Variants in MYO16 observed in about 807,000 individuals in gnomAD.
MYO16 encodes the protein unconventional myosin-XVI.
In MYO16, 94 loss-of-function variants were observed where a neutral mutation model predicts 205.3. The observed-to-expected ratio is 0.46, with a 90% CI of 0.39 to 0.54. MYO16 has a LOEUF of 0.54. Among genes scored for constraint, MYO16 ranks in the 20% least tolerant of loss-of-function variants. MYO16 has a pLI of 0.00. For synonymous variants in MYO16, 988 were observed against 954.0 expected (o/e 1.04, Z -0.66); for missense variants, 2,315 against 2,387.5 (o/e 0.97, Z 0.63).
intron 27 of MYO16, among the ~76,000 whole-genome samples, chr13:109,089,218 CATT>C: frequency 8.3e-6 from 1 of 120,744 alleles, no homozygotes; most frequent in Admixed American, 8.4e-5. Context: ...TTATTATTGT[CATT>C]ATTATTATTT....
rs370473198 is a variant in MYO16, at chr13:108,609,155, G to A, written c.-39+12916G>A. Among the ~76,000 whole-genome samples the A allele has an allele frequency of 4.3e-4, 66 of 152,254 alleles. 1 individual carries two copies. Among genetic ancestry groups the A allele is most frequent in the African/African-American group, 1.5e-3 (64 of 41,548 alleles). ...CTGCAGGCCAGCCCAGGAAACGATG[G>A]AGTCCCTGGAAGTTTCCTCCTCATT... On this transcript the variant is annotated intron_variant, in intron 1 of 24. Transcript: ENST00000251041.
chr13:108,993,753 C>T (rs1884915543), intron 21 of MYO16, among the ~76,000 whole-genome samples: 1 of 151,988 alleles, frequency 6.6e-6, no homozygotes, highest in South Asian at 2.1e-4. Context: ...TGAGTGTGAC[C>T]AATAGAATAT....
At chr13:108,535,812 A>C in the MYO16 span, among the ~76,000 whole-genome samples, 1 of 152,146 alleles carries the variant, frequency 6.6e-6, no homozygotes, top group African/African-American at 2.4e-5. Context: ...TTAACTATAG[A>C]CCCAGCTGCT....
chr13:108,802,587 T>C (rs9514916), intron 6 of MYO16, among the ~76,000 whole-genome samples: 12 of 152,088 alleles, frequency 7.9e-5, no homozygotes, highest in African/African-American at 2.9e-4. Flanking sequence ...CCTTAGGATA[T>C]ATACCAGAGT....
In MYO16 at chr13:108,865,812, C is replaced by T. The variant is rs201277391; in HGVS notation, c.1360-365C>T. Among the ~76,000 whole-genome samples, 5 of 152,096 alleles carry T rather than the reference C, an allele frequency of 3.3e-5. No individual in the cohort carries two copies. In the East Asian group the frequency reaches 9.6e-4, roughly 29 times the overall value. ...AGTTTATTATTCTGTAGCAGAATAA[C>T]AGAATTTGTTACTCCATTGACTTTT... is the stretch of plus-strand genomic sequence containing the variant. On this transcript the variant is annotated intron_variant, in intron 11 of 34. Coordinates refer to ENST00000457511, the MANE Select transcript of MYO16 (RefSeq NM_001198950.3).
At chr13:108,938,559 G>A (rs1882587945) in intron 16 of MYO16, among the ~76,000 whole-genome samples, 2 of 152,258 alleles carry the variant, frequency 1.3e-5, no homozygotes, top group South Asian at 4.1e-4. Flanking sequence ...TCTGCAGAGA[G>A]ATGTGGGGGT....
At position 108,777,439 on chromosome 13, in the gene MYO16, A is replaced by C. The variant is rs150966832; in HGVS notation, c.508-8196A>C. On this transcript the variant is annotated intron_variant, in intron 4 of 34. Coordinates refer to ENST00000457511, the MANE Select transcript of MYO16 (RefSeq NM_001198950.3). ...AGCCACTGTTCCCCACATCGGGGAG[A>C]GTATCTGGAAGAGGACCCTCAGGGA... 4.7e-4 allele frequency among the ~76,000 whole-genome samples: 71 copies of C among 152,298 alleles called. No homozygotes were observed. In the South Asian group the frequency reaches 8.9e-3, roughly 19 times the overall value.
intron 27 of MYO16, among the ~76,000 whole-genome samples, chr13:109,063,792 T>C (rs1887661325): frequency 6.6e-6 from 1 of 152,172 alleles, no homozygotes; most frequent in Non-Finnish European, 1.5e-5. Context: ...CTTATGCTGA[T>C]AGAAGGAAAT....
the MYO16 span, among the ~76,000 whole-genome samples, chr13:108,517,570 A>G: frequency 1.3e-5 from 2 of 152,230 alleles, no homozygotes; most frequent in Non-Finnish European, 2.9e-5. Context: ...CAGCCTCACC[A>G]CAATTAATGT....
chr13:108,756,103 A>G (rs2139647080), intron 4 of MYO16, among the ~76,000 whole-genome samples: 1 of 152,162 alleles, frequency 6.6e-6, no homozygotes, highest in South Asian at 2.1e-4. Context: ...TACACATGAA[A>G]ATAAAAGGCT....
the MYO16 span, among the ~76,000 whole-genome samples, chr13:108,570,280 G>A: frequency 7.3e-5 from 11 of 150,718 alleles, no homozygotes; most frequent in Non-Finnish European, 1.5e-4. Flanking sequence ...CTTAAATCTT[G>A]TTCTATCACC....
chr13:108,700,811 A>G (rs1883278421), intron 2 of MYO16, among the ~76,000 whole-genome samples: 1 of 152,188 alleles, frequency 6.6e-6, no homozygotes, highest in South Asian at 2.1e-4. Context: ...AAAAACTGCA[A>G]TGTGTTCCTC....
chr13:108,895,442 G>C (rs1405948851), intron 14 of MYO16, among the ~76,000 whole-genome samples: 3 of 152,156 alleles, frequency 2.0e-5, no homozygotes, highest in African/African-American at 7.2e-5. Flanking sequence ...ATAAAAAACT[G>C]GTTATTGCAT....
intron 14 of MYO16, among the ~76,000 whole-genome samples, chr13:108,891,500 A>G (rs1358119995): frequency 6.6e-6 from 1 of 152,230 alleles, no homozygotes; most frequent in African/African-American, 2.4e-5. Context: ...TCAATATTCT[A>G]TGTGTAACAT....
rs34430414 is a variant in MYO16 at position 109,089,188 on chromosome 13, CATTATTATT to C, written c.3336-11578_3336-11570del. ...AGAGTCTTGCCTTTTTTGTTTTCTGCATTATTATTATTATTATTATTATTATTGTCATTA... is the reference window on the plus strand; with the variant it reads ...AGAGTCTTGCCTTTTTTGTTTTCTGCATTATTATTATTATTATTGTCATTA... On this transcript the variant is annotated intron_variant, in intron 27 of 34. Coordinates refer to ENST00000457511, the MANE Select transcript of MYO16 (RefSeq NM_001198950.3). Among the ~76,000 whole-genome samples the C allele has an allele frequency of 5.4e-5, 8 of 147,862 alleles. No homozygotes were observed. The East Asian group carries it at 8.0e-4, about 15-fold the overall frequency.
intron 7 of MYO16, among the ~76,000 whole-genome samples, chr13:108,809,614 AACTC>A (rs1302600173): frequency 7.9e-5 from 12 of 152,162 alleles, no homozygotes; most frequent in African/African-American, 2.7e-4. Flanking sequence ...ATCTTTTGAG[AACTC>A]ACTCATTATC....
At chr13:108,699,076 GTCTC>G (rs71791844) in intron 2 of MYO16, among the ~76,000 whole-genome samples, 18,487 of 147,760 alleles carry the variant, frequency 0.13, 1,391 homozygotes, top group Non-Finnish European at 0.17. Context: ...GTCTCTCTCT[GTCTC>G]TCTCTCTCTC....
intron 20 of MYO16, among the ~76,000 whole-genome samples, chr13:108,970,051 C>T (rs920500830): frequency 6.6e-6 from 1 of 152,146 alleles, no homozygotes; most frequent in African/African-American, 2.4e-5. Context: ...AAATTGCAAA[C>T]CTTTGAACCA....
chr13:108,837,431 A>G (rs2139055500), intron 9 of MYO16, among the ~76,000 whole-genome samples: 1 of 152,334 alleles, frequency 6.6e-6, no homozygotes, highest in South Asian at 2.1e-4. Context: ...GATTATTGTT[A>G]GTGGTATATC....
Sources: gnomAD v4.1 joint callset for allele counts (sites outside exome capture counted in the v4.1 genomes callset) on GRCh38, gnomAD v4.1.1 for gene constraint, MANE v1.5 for transcripts, NCBI Gene and HGNC (gene_info 2026-07-23, HGNC 2026-07-21) for gene names.